The following RANBP2 variants were observed in gnomAD, a reference collection of about 807,000 sequenced individuals.
RANBP2 encodes RAN binding protein 2, also known as E3 SUMO-protein ligase RanBP2.
A neutral mutation model predicts 303.6 loss-of-function variants in RANBP2; 57 were observed. That is an observed-to-expected ratio of 0.19 (90% CI 0.15 to 0.23). The LOEUF (loss-of-function observed/expected upper bound fraction) is 0.23, where lower values mean the gene tolerates loss of function less well. Among genes scored for constraint, RANBP2 ranks in the 10% least tolerant of loss-of-function variants. The pLI, the probability that RANBP2 is intolerant of heterozygous loss-of-function variation, is 1.00. For missense variants in RANBP2, 3,138 were observed against 3,780.8 expected (o/e 0.83, Z 4.46); for synonymous variants, 1,167 against 1,301.5 (o/e 0.90, Z 2.23).
chr2:109,466,110 C>T, the RANBP2 span, among the ~76,000 whole-genome samples: 1 of 117,654 alleles, frequency 8.5e-6, no homozygotes, highest in African/African-American at 3.2e-5. Context: ...GATGGAGTCT[C>T]GCTCCGTCGC....
chr2:109,229,453 C>A, the RANBP2 span, among the ~76,000 whole-genome samples: 2 of 152,202 alleles, frequency 1.3e-5, no homozygotes, highest in Non-Finnish European at 2.9e-5. Context: ...TCCATGGACT[C>A]CTCTGGCTAT....
chr2:109,778,419 C>T, the RANBP2 span, among the ~76,000 whole-genome samples: 12 of 149,644 alleles, frequency 8.0e-5, no homozygotes, highest in South Asian at 1.5e-3. Flanking sequence ...GTTGTTTCTC[C>T]GTATAAATCT....
chr2:109,732,156 C>T, the RANBP2 span, among the ~76,000 whole-genome samples: 1 of 152,106 alleles, frequency 6.6e-6, no homozygotes, highest in Non-Finnish European at 1.5e-5. Context: ...GCATGCCTGG[C>T]CATAAGTGTA....
chr2:108,858,835 G>A, the RANBP2 span, among the ~76,000 whole-genome samples: 2 of 151,970 alleles, frequency 1.3e-5, no homozygotes, highest in Admixed American at 1.3e-4. Context: ...CCATGTTGCT[G>A]CAAAGAACAT....
the RANBP2 span, among the ~76,000 whole-genome samples, chr2:109,685,313 C>A: frequency 6.6e-6 from 1 of 152,172 alleles, no homozygotes; most frequent in African/African-American, 2.4e-5. Flanking sequence ...CGCACTTACA[C>A]CAGTATATCT....
At chr2:109,732,204 A>T in the RANBP2 span, among the ~76,000 whole-genome samples, 1 of 152,094 alleles carries the variant, frequency 6.6e-6, no homozygotes, top group Non-Finnish European at 1.5e-5. Context: ...GCTGTGAGTA[A>T]AGTATTAATT....
chr2:109,432,826 C>G, the RANBP2 span, among the ~76,000 whole-genome samples: 5 of 152,234 alleles, frequency 3.3e-5, no homozygotes, highest in African/African-American at 1.2e-4. Context: ...CGTCCCCAGG[C>G]CCACATTTCA....
At chr2:109,275,411 G>T in the RANBP2 span, among the ~76,000 whole-genome samples, 1 of 152,184 alleles carries the variant, frequency 6.6e-6, no homozygotes, top group Non-Finnish European at 1.5e-5. Context: ...GGAGGGTTCC[G>T]TGACCCTCCA....
At chr2:109,704,671 G>A in the RANBP2 span, among the ~76,000 whole-genome samples, 3 of 152,032 alleles carry the variant, frequency 2.0e-5, no homozygotes, top group South Asian at 6.2e-4. Context: ...CTAACGTGGC[G>A]AAACCTCGTC....
At chr2:109,156,023 G>T in the RANBP2 span, among the ~76,000 whole-genome samples, 1 of 152,278 alleles carries the variant, frequency 6.6e-6, no homozygotes, top group Non-Finnish European at 1.5e-5. Flanking sequence ...TTCCCACTGG[G>T]GTCATTTTGC....
At chr2:109,246,194 A>T in the RANBP2 span, among the ~76,000 whole-genome samples, 1 of 152,238 alleles carries the variant, frequency 6.6e-6, no homozygotes, top group Admixed American at 6.5e-5. Context: ...AAGCTGCTGT[A>T]ACAAAATACC....
the RANBP2 span, among the ~76,000 whole-genome samples, chr2:109,001,889 C>A: frequency 1.3e-5 from 2 of 151,864 alleles, no homozygotes; most frequent in African/African-American, 4.8e-5. Flanking sequence ...GCCACCACGC[C>A]TGGCTTTTTT....
chr2:108,931,113 G>T, the RANBP2 span: 3 of 1,118,400 alleles, frequency 2.7e-6, no homozygotes, highest in Non-Finnish European at 4.1e-6. Flanking sequence ...AACCCCACTG[G>T]ATATAAGGTG....
At chr2:109,352,313 G>C in the RANBP2 span, among the ~76,000 whole-genome samples, 1 of 152,168 alleles carries the variant, frequency 6.6e-6, no homozygotes, top group Non-Finnish European at 1.5e-5. Context: ...CCCTCCTAAA[G>C]ACAGACTGCA....
chr2:109,139,460 T>C, the RANBP2 span, among the ~76,000 whole-genome samples: 2 of 152,212 alleles, frequency 1.3e-5, no homozygotes, highest in Non-Finnish European at 2.9e-5. Context: ...ACAACTCTCT[T>C]GTATCCTGAG....
the RANBP2 span, among the ~76,000 whole-genome samples, chr2:109,744,496 C>T: frequency 1.1e-4 from 10 of 90,742 alleles, 3 homozygotes; most frequent in African/African-American, 3.0e-4. Flanking sequence ...CTTTGTCAGA[C>T]GTGTAGTTTG....
At chr2:108,836,837 C>T in the RANBP2 span, among the ~76,000 whole-genome samples, 1 of 151,988 alleles carries the variant, frequency 6.6e-6, no homozygotes, top group African/African-American at 2.4e-5. Context: ...GTAAGTGGAA[C>T]TGTTTTCCTA....
the RANBP2 span, among the ~76,000 whole-genome samples, chr2:109,473,002 T>C: frequency 4.6e-5 from 7 of 152,210 alleles, no homozygotes; most frequent in African/African-American, 1.7e-4. Context: ...CTTTCCTACC[T>C]TAGTGAAAAG....
At chr2:108,960,854 C>G in the RANBP2 span, among the ~76,000 whole-genome samples, 1 of 152,326 alleles carries the variant, frequency 6.6e-6, no homozygotes, top group Non-Finnish European at 1.5e-5. Context: ...AAATATTCTT[C>G]AGGAACATGG....
Sources: allele counts gnomAD v4.1 joint callset (sites outside exome capture counted in the v4.1 genomes callset), GRCh38; gene constraint gnomAD v4.1.1; transcripts MANE v1.5; gene names NCBI Gene and HGNC (gene_info 2026-07-23, HGNC 2026-07-21).